The following CDC42SE2 variants were observed in gnomAD, a reference collection of about 807,000 sequenced individuals.
CDC42SE2 encodes the protein CDC42 small effector protein 2.
Under a neutral mutation model 11.5 loss-of-function variants are expected in CDC42SE2, and 3 were observed. The ratio of observed to expected loss-of-function variants is 0.26; its 90% CI spans 0.12 to 0.67. CDC42SE2 has a LOEUF of 0.67. CDC42SE2 is among the 30% of genes least tolerant of loss of function. CDC42SE2 has a pLI of 0.80. For synonymous variants in CDC42SE2, 33 were observed against 34.8 expected (o/e 0.95, Z 0.18); for missense variants, 82 against 106.8 (o/e 0.77, Z 1.02).
chr5:131,333,144 A>G (rs972956519), intron 2 of CDC42SE2, among the ~76,000 whole-genome samples: 3 of 152,168 alleles, frequency 2.0e-5, no homozygotes, highest in African/African-American at 7.2e-5. Flanking sequence ...TAATTTTTGT[A>G]TAAGGTGTAA....
At chr5:131,390,530 C>CTGAG (rs1750618764) in intron 4 of CDC42SE2, among the ~76,000 whole-genome samples, 1 of 151,996 alleles carries the variant, frequency 6.6e-6, no homozygotes, top group South Asian at 2.1e-4. Flanking sequence ...GAAAAATTAG[C>CTGAG]TGAGTGTGGT....
chr5:131,371,040 T>G (rs1750001164), intron 3 of CDC42SE2, among the ~76,000 whole-genome samples: 1 of 152,158 alleles, frequency 6.6e-6, no homozygotes, highest in East Asian at 1.9e-4. Flanking sequence ...AAATAAAATG[T>G]TTTTGCTGAT....
chr5:131,212,917 A>C, the CDC42SE2 span, among the ~76,000 whole-genome samples: 1 of 152,080 alleles, frequency 6.6e-6, no homozygotes, highest in East Asian at 1.9e-4. Flanking sequence ...CCGGCTGGGC[A>C]TGGTGGCTCA....
chr5:131,286,462 A>G (rs1757343981), intron 1 of CDC42SE2, among the ~76,000 whole-genome samples: 1 of 143,412 alleles, frequency 7.0e-6, no homozygotes, highest in Non-Finnish European at 1.5e-5. Context: ...GGGAGTGGTG[A>G]GAGGGAATGA....
intron 1 of CDC42SE2, among the ~76,000 whole-genome samples, chr5:131,249,878 G>A (rs1756626524): frequency 6.6e-6 from 1 of 151,842 alleles, no homozygotes; most frequent in African/African-American, 2.4e-5. Context: ...GTGAGATGCT[G>A]TCTCTAAAAA....
chr5:131,310,598 C>T (rs1757883785), intron 1 of CDC42SE2, among the ~76,000 whole-genome samples: 1 of 151,394 alleles, frequency 6.6e-6, no homozygotes. Context: ...CTTTGTAGGT[C>T]ACTCAGGACT....
At chr5:131,232,077 A>C in the CDC42SE2 span, among the ~76,000 whole-genome samples, 1 of 151,208 alleles carries the variant, frequency 6.6e-6, no homozygotes, top group Non-Finnish European at 1.5e-5. Flanking sequence ...GGTGTGAGCC[A>C]CCACGCCCAC....
chr5:131,310,623 G>T (rs1397511505), intron 1 of CDC42SE2, among the ~76,000 whole-genome samples: 8 of 151,610 alleles, frequency 5.3e-5, no homozygotes, highest in Non-Finnish European at 1.2e-4. Flanking sequence ...TTATGAATCT[G>T]GGTGCTCCTG....
At chr5:131,314,791 A>G (rs1758006069) in intron 1 of CDC42SE2, among the ~76,000 whole-genome samples, 1 of 152,104 alleles carries the variant, frequency 6.6e-6, no homozygotes, top group African/African-American at 2.4e-5. Context: ...AGCAACCCCA[A>G]TGGTTTTCAT....
chr5:131,343,148 A>C (rs1402380313), intron 2 of CDC42SE2, among the ~76,000 whole-genome samples: 2 of 150,792 alleles, frequency 1.3e-5, no homozygotes, highest in Non-Finnish European at 3.0e-5. Context: ...TAATGGTCCC[A>C]CCCACCGAGA....
chr5:131,348,069 C>T (rs1758897643), intron 2 of CDC42SE2, among the ~76,000 whole-genome samples: 1 of 152,156 alleles, frequency 6.6e-6, no homozygotes, highest in South Asian at 2.1e-4. Flanking sequence ...GAAGCATTCC[C>T]TTTGAAAACT....
the CDC42SE2 span, among the ~76,000 whole-genome samples, chr5:131,228,197 AC>A: frequency 6.6e-6 from 1 of 151,786 alleles, no homozygotes; most frequent in African/African-American, 2.4e-5. Flanking sequence ...ACAGAGCAAG[AC>A]CCTGTTTAAA....
At chr5:131,269,755 C>A (rs1418902645) in intron 1 of CDC42SE2, among the ~76,000 whole-genome samples, 1 of 150,656 alleles carries the variant, frequency 6.6e-6, no homozygotes, top group South Asian at 2.1e-4. Context: ...CAGAGCGAGA[C>A]TCCATCTCAA....
At chr5:131,385,444 G>T in intron 3 of CDC42SE2, 99 bp from the exon 4 acceptor site, 2 of 764,392 alleles carry the variant, frequency 2.6e-6, no homozygotes, top group Admixed American at 2.6e-5. Context: ...GCATTTTTGT[G>T]TTCTTGGCAA....
At chr5:131,342,147 G>T (rs1395721235) in intron 2 of CDC42SE2, among the ~76,000 whole-genome samples, 1 of 150,888 alleles carries the variant, frequency 6.6e-6, no homozygotes, top group Non-Finnish European at 1.5e-5. Context: ...GGGTGTCGTG[G>T]TGCATGCCTG....
chr5:131,255,176 C>A (rs1477443124), exon 2 of CDC42SE2: 3 of 152,134 alleles, frequency 2.0e-5, no homozygotes, highest in Non-Finnish European at 2.9e-5. Context: ...TAGTCACTAG[C>A]TACACATTGC....
At chr5:131,336,658 C>G (rs1314313932) in intron 2 of CDC42SE2, among the ~76,000 whole-genome samples, 1 of 152,158 alleles carries the variant, frequency 6.6e-6, no homozygotes, top group East Asian at 1.9e-4. Flanking sequence ...TTCTTGGAGG[C>G]TTTGTTCGTT....
chr5:131,260,451 T>C (rs2149686060), upstream of CDC42SE2, among the ~76,000 whole-genome samples: 1 of 151,262 alleles, frequency 6.6e-6, no homozygotes, highest in South Asian at 2.1e-4. Context: ...GGTGAAACCC[T>C]GTCTCTACTA....
intron 2 of CDC42SE2, among the ~76,000 whole-genome samples, chr5:131,335,263 G>T (rs187385291): frequency 6.6e-6 from 1 of 152,322 alleles, no homozygotes; most frequent in East Asian, 1.9e-4. Flanking sequence ...CAGTTTCCAT[G>T]TAGTTGAGTG....
Sources: allele counts gnomAD v4.1 joint callset (sites outside exome capture counted in the v4.1 genomes callset), GRCh38; gene constraint gnomAD v4.1.1; transcripts MANE v1.5; gene names NCBI Gene and HGNC (gene_info 2026-07-23, HGNC 2026-07-21).